QTMAN: variants seen among roughly 807,000 people sequenced by gnomAD.
QTMAN encodes the protein tRNA-queuosine alpha-mannosyltransferase.
chr2:144,007,538 G>C, the QTMAN span: 1 of 1,522,140 alleles, frequency 6.6e-7, no homozygotes, highest in Non-Finnish European at 8.8e-7. Flanking sequence ...GCATGAATCT[G>C]TTACAAAAAA....
At chr2:144,220,824 A>G in the QTMAN span, among the ~76,000 whole-genome samples, 1 of 152,178 alleles carries the variant, frequency 6.6e-6, no homozygotes, top group Non-Finnish European at 1.5e-5. Context: ...AATATCCTCT[A>G]TTTTCTATAA....
the QTMAN span, among the ~76,000 whole-genome samples, chr2:144,124,759 A>T: frequency 2.5e-4 from 38 of 152,152 alleles, no homozygotes; most frequent in African/African-American, 7.9e-4. Context: ...CTTCTCTCAG[A>T]TGTTGATTTA....
At chr2:144,264,949 A>C in the QTMAN span, among the ~76,000 whole-genome samples, 2 of 152,212 alleles carry the variant, frequency 1.3e-5, no homozygotes, top group Admixed American at 1.3e-4. Context: ...TGTATTTCTC[A>C]ATCAATTGAC....
At chr2:143,955,170 C>G in the QTMAN span, among the ~76,000 whole-genome samples, 28 of 151,952 alleles carry the variant, frequency 1.8e-4, no homozygotes, top group African/African-American at 6.8e-4. Flanking sequence ...TGCTAATTAT[C>G]GACAGCACTT....
chr2:144,091,171 A>C, the QTMAN span, among the ~76,000 whole-genome samples: 1 of 152,126 alleles, frequency 6.6e-6, no homozygotes, highest in Non-Finnish European at 1.5e-5. Flanking sequence ...GTTAAAAAAA[A>C]AAATTTGGAT....
chr2:144,152,427 C>G, the QTMAN span, among the ~76,000 whole-genome samples: 4 of 152,244 alleles, frequency 2.6e-5, no homozygotes, highest in Middle Eastern at 3.4e-3. Flanking sequence ...ATTATTCCTG[C>G]AAACGCTGAG....
At chr2:144,042,547 A>T in the QTMAN span, among the ~76,000 whole-genome samples, 1 of 152,006 alleles carries the variant, frequency 6.6e-6, no homozygotes, top group African/African-American at 2.4e-5. Flanking sequence ...CGAGGTCAGG[A>T]GATCCAGACC....
the QTMAN span, among the ~76,000 whole-genome samples, chr2:143,958,582 T>TA: frequency 6.6e-6 from 1 of 152,008 alleles, no homozygotes; most frequent in African/African-American, 2.4e-5. Context: ...GAAATGTAAT[T>TA]ACCAGATAAA....
At chr2:143,990,682 T>C in the QTMAN span, among the ~76,000 whole-genome samples, 1 of 152,064 alleles carries the variant, frequency 6.6e-6, no homozygotes, top group Non-Finnish European at 1.5e-5. Flanking sequence ...CCAGATACAA[T>C]TCAGGCAGGT....
At chr2:144,066,957 C>T in the QTMAN span, among the ~76,000 whole-genome samples, 9 of 152,192 alleles carry the variant, frequency 5.9e-5, no homozygotes, top group African/African-American at 1.4e-4. Flanking sequence ...TCGTCTTTGA[C>T]GCCTATTTAT....
chr2:144,074,531 A>T, the QTMAN span, among the ~76,000 whole-genome samples: 2 of 152,246 alleles, frequency 1.3e-5, no homozygotes, highest in Non-Finnish European at 2.9e-5. Flanking sequence ...TTTGGACTTC[A>T]TATATTTTCT....
At chr2:144,139,793 T>A in the QTMAN span, among the ~76,000 whole-genome samples, 1 of 152,040 alleles carries the variant, frequency 6.6e-6, no homozygotes, top group East Asian at 1.9e-4. Context: ...TCTTCATTTA[T>A]TTTGTTGGAA....
the QTMAN span, among the ~76,000 whole-genome samples, chr2:144,253,447 T>C: frequency 3.3e-5 from 5 of 151,982 alleles, no homozygotes; most frequent in Non-Finnish European, 5.9e-5. Flanking sequence ...GACAGGAAAA[T>C]GTGGGAAAGT....
At chr2:144,265,384 C>T in the QTMAN span, among the ~76,000 whole-genome samples, 2 of 152,156 alleles carry the variant, frequency 1.3e-5, no homozygotes, top group Non-Finnish European at 2.9e-5. Flanking sequence ...TTCCTGTATT[C>T]ATACAATATT....
chr2:144,075,453 G>A, the QTMAN span, among the ~76,000 whole-genome samples: 1 of 152,146 alleles, frequency 6.6e-6, no homozygotes, highest in Admixed American at 6.5e-5. Context: ...CTCCTTGGAT[G>A]TGTTTTGATC....
chr2:144,118,159 A>G, the QTMAN span, among the ~76,000 whole-genome samples: 7 of 152,174 alleles, frequency 4.6e-5, no homozygotes, highest in Middle Eastern at 0.014. Context: ...ACATTTTTAA[A>G]ACAACACCTG....
the QTMAN span, among the ~76,000 whole-genome samples, chr2:144,008,878 T>G: frequency 6.6e-6 from 1 of 152,056 alleles, no homozygotes; most frequent in Non-Finnish European, 1.5e-5. Flanking sequence ...TCTCTGCTCC[T>G]GCTGAAAGAG....
At chr2:144,155,056 A>G in the QTMAN span, among the ~76,000 whole-genome samples, 2 of 152,208 alleles carry the variant, frequency 1.3e-5, no homozygotes. Flanking sequence ...ATCCATGCCC[A>G]TGGGTGCTTA....
the QTMAN span, among the ~76,000 whole-genome samples, chr2:144,249,942 T>C: frequency 6.6e-6 from 1 of 152,146 alleles, no homozygotes; most frequent in African/African-American, 2.4e-5. Flanking sequence ...CTAGAAAATG[T>C]AAACCAATCT....
Sources: allele counts gnomAD v4.1 joint callset (sites outside exome capture counted in the v4.1 genomes callset), GRCh38; gene constraint gnomAD v4.1.1; transcripts MANE v1.5; gene names NCBI Gene and HGNC (gene_info 2026-07-23, HGNC 2026-07-21).